KCND3: variants seen among roughly 807,000 people sequenced by gnomAD.
KCND3 encodes potassium voltage-gated channel subfamily D member 3, also known as A-type voltage-gated potassium channel KCND3.
In KCND3, 9 loss-of-function variants were observed where a neutral mutation model predicts 51.1. That is an observed-to-expected ratio of 0.18 (90% CI 0.11 to 0.31). The LOEUF is 0.31. Ranked by LOEUF, KCND3 falls within the 10% of genes least tolerant of loss-of-function variation. KCND3 has a pLI of 1.00. For synonymous variants in KCND3, 349 were observed against 368.0 expected, an observed-to-expected ratio of 0.95 and a Z score of 0.59; for missense variants, 526 against 903.8, an observed-to-expected ratio of 0.58 and a Z score of 5.36.
rs571423025 is a variant in KCND3, at chr1:111,942,537, C to A, written c.1106+39084G>T. ...GGGGACAAAAGTCAAATGTTCCAGG[C>A]ACTGTCCCCACAGTTCCTACAGGTC... On this transcript the variant is annotated intron_variant, in intron 2 of 7. Coordinates refer to ENST00000302127, the MANE Select transcript of KCND3 (RefSeq NM_001378969.1). Among the ~76,000 whole-genome samples the A allele has an allele frequency of 9.8e-5, 15 of 152,322 alleles. No individual in the cohort carries two copies. The South Asian group carries it at 2.9e-3, about 29-fold the overall frequency.
At chr1:111,810,500 C>A (rs913623617) in intron 2 of KCND3, among the ~76,000 whole-genome samples, 19 of 152,320 alleles carry the variant, frequency 1.2e-4, no homozygotes, top group Non-Finnish European at 5.9e-5. Context: ...AACTTTCTCT[C>A]CAAGCTCCCA....
At chr1:111,828,103 C>T (rs540764372) in intron 2 of KCND3, among the ~76,000 whole-genome samples, 2 of 152,316 alleles carry the variant, frequency 1.3e-5, no homozygotes, top group Non-Finnish European at 2.9e-5. Flanking sequence ...AGGCTTGCCG[C>T]TCTGCCCCAA....
At chr1:111,906,610 A>T (rs1198902286) in intron 2 of KCND3, among the ~76,000 whole-genome samples, 1 of 152,150 alleles carries the variant, frequency 6.6e-6, no homozygotes, top group Non-Finnish European at 1.5e-5. Flanking sequence ...CCTAGGCTGG[A>T]CCTGGTTCTC....
chr1:111,812,524 A>G (rs928382317), intron 2 of KCND3, among the ~76,000 whole-genome samples: 1 of 152,232 alleles, frequency 6.6e-6, no homozygotes. Context: ...TGCGCATGTC[A>G]TGAGTGCTTA....
At chr1:111,795,600 C>T (rs894302210) in intron 2 of KCND3, among the ~76,000 whole-genome samples, 3 of 152,210 alleles carry the variant, frequency 2.0e-5, no homozygotes, top group Non-Finnish European at 4.4e-5. Context: ...TCTGCTTTCT[C>T]GCTGGAGGAG....
rs769673341 is a variant in KCND3 at position 111,780,669 on chromosome 1, C to T, written c.1371+21G>A. 6.3e-7 allele frequency: 1 copy of T among 1,590,106 alleles called. No individual in the cohort carries two copies. Among genetic ancestry groups the T allele is most frequent in the East Asian group, 2.2e-5 (1 of 44,482 alleles). ...CATCTACCCCTTTATGTTCCCTAGCCCAGGTCCTCTAGGCACCTACCGTCA... is the reference window on the plus strand; with the variant it reads ...CATCTACCCCTTTATGTTCCCTAGCTCAGGTCCTCTAGGCACCTACCGTCA... On this transcript the variant is annotated intron_variant, in intron 4 of 7. Coordinates refer to ENST00000302127, the MANE Select transcript of KCND3 (RefSeq NM_001378969.1). This position sits in a 1 kb window ranked among gnomAD's most constrained non-coding sequence, Gnocchi z 4.2.
In KCND3 at chr1:111,940,073, G is replaced by GTTTTTTTTTTTTTTT. The variant is rs61088602; in HGVS notation, c.1106+41533_1106+41547dup. On this transcript the variant is annotated intron_variant, in intron 2 of 7. Coordinates refer to ENST00000302127, the MANE Select transcript of KCND3 (RefSeq NM_001378969.1). ...TATATCCTTCGCCTACTTTTTGATG[G>GTTTTTTTTTTTTTTT]TTTTTTTTTTTTTTTTTTTTTTTGT... Among the ~76,000 whole-genome samples, 221 of 85,464 alleles carry GTTTTTTTTTTTTTTT rather than the reference G, an allele frequency of 2.6e-3. 1 individual carries two copies. Among genetic ancestry groups the GTTTTTTTTTTTTTTT allele is most frequent in the African/African-American group, 3.5e-3 (69 of 19,540 alleles). 56.1% of individuals were successfully genotyped at this position (85,464 alleles called of 152,430 possible). A position where few individuals can be genotyped will look rare whatever the true frequency, so the allele number is the denominator to read the frequency against.
intron 2 of KCND3, among the ~76,000 whole-genome samples, chr1:111,855,781 G>A (rs1421123787): frequency 6.6e-6 from 1 of 152,172 alleles, no homozygotes; most frequent in Admixed American, 6.5e-5. Flanking sequence ...ACAGAGATGT[G>A]GGCAGGGTCT....
chr1:111,894,489 T>TA (rs1342991235), intron 2 of KCND3, among the ~76,000 whole-genome samples: 1 of 152,248 alleles, frequency 6.6e-6, no homozygotes, highest in African/African-American at 2.4e-5. Flanking sequence ...ATGTGTTTTT[T>TA]ATCCCCCCAC....
At chr1:111,827,767 G>T (rs1297448868) in intron 2 of KCND3, among the ~76,000 whole-genome samples, 1 of 152,112 alleles carries the variant, frequency 6.6e-6, no homozygotes, top group African/African-American at 2.4e-5. Flanking sequence ...TGCCCTCCTG[G>T]GTGAGGAATG....
chr1:111,908,688 GCTTCT>G (rs1456286022), intron 2 of KCND3, among the ~76,000 whole-genome samples: 1 of 152,000 alleles, frequency 6.6e-6, no homozygotes, highest in Non-Finnish European at 1.5e-5. Context: ...TGATGAATTT[GCTTCT>G]CTTGAGTATT....
At chr1:111,929,025 T>G (rs1418073157) in intron 2 of KCND3, among the ~76,000 whole-genome samples, 1 of 152,158 alleles carries the variant, frequency 6.6e-6, no homozygotes, top group African/African-American at 2.4e-5. Context: ...ACCTGAACAG[T>G]TTTTCCTGGG....
chr1:111,828,105 C>G (rs1335048504), intron 2 of KCND3, among the ~76,000 whole-genome samples: 2 of 152,198 alleles, frequency 1.3e-5, no homozygotes, highest in African/African-American at 2.4e-5. Flanking sequence ...GCTTGCCGCT[C>G]TGCCCCAAGC....
rs1453229181 is a variant in KCND3, at chr1:111,889,002, C to T, written c.1106+92619G>A. ...TTTTCTCTGGTTGTGTGTGCGAGGG[C>T]AGCAGGAGGAGGGGCAGGGGTTGGT... On this transcript the variant is annotated intron_variant, in intron 2 of 7. Transcript: ENST00000302127. 3.9e-5 allele frequency among the ~76,000 whole-genome samples: 6 copies of T among 152,102 alleles called. No homozygotes were observed. In the South Asian group the frequency reaches 1.2e-3, roughly 32 times the overall value.
At chr1:111,862,233 C>T (rs949248669) in intron 2 of KCND3, among the ~76,000 whole-genome samples, 3 of 152,166 alleles carry the variant, frequency 2.0e-5, no homozygotes, top group Non-Finnish European at 4.4e-5. Flanking sequence ...CAAAAAGGAC[C>T]AAATAGTAAA....
intron 2 of KCND3, among the ~76,000 whole-genome samples, chr1:111,970,857 A>T (rs1674290266): frequency 6.6e-6 from 1 of 152,152 alleles, no homozygotes; most frequent in Non-Finnish European, 1.5e-5. Context: ...TCATCTTCAT[A>T]GTGTCAGCTC....
intron 2 of KCND3, among the ~76,000 whole-genome samples, chr1:111,939,961 T>C (rs1557733068): frequency 6.6e-6 from 1 of 152,348 alleles, no homozygotes; most frequent in South Asian, 2.1e-4. Flanking sequence ...TGGTTTTGGT[T>C]TGCATTTCTC....
chr1:111,884,969 C>T (rs1669503538), intron 2 of KCND3, among the ~76,000 whole-genome samples: 1 of 152,178 alleles, frequency 6.6e-6, no homozygotes, highest in South Asian at 2.1e-4. Context: ...CCTCTACCCA[C>T]TAGATGCCAG....
chr1:111,911,112 T>G (rs925400173), intron 2 of KCND3, among the ~76,000 whole-genome samples: 2 of 152,224 alleles, frequency 1.3e-5, no homozygotes, highest in African/African-American at 4.8e-5. Flanking sequence ...TATGTGGCCC[T>G]GACTCTGACT....
Sources: gnomAD v4.1 joint callset for allele counts (sites outside exome capture counted in the v4.1 genomes callset) on GRCh38, gnomAD v4.1.1 for gene constraint, Gnocchi (gnomAD v3.1) non-coding constraint, MANE v1.5 for transcripts, NCBI Gene and HGNC (gene_info 2026-07-23, HGNC 2026-07-21) for gene names.